The following FBP1 variants were observed in gnomAD, a reference collection of about 807,000 sequenced individuals.
FBP1 encodes the protein fructose-1,6-bisphosphatase 1.
In FBP1, 22 loss-of-function variants were observed where a neutral mutation model predicts 29.9. The ratio of observed to expected loss-of-function variants is 0.74; its 90% CI spans 0.53 to 1.05. FBP1 has a LOEUF of 1.05. FBP1 is among the 50% of genes least tolerant of loss of function. FBP1 has a pLI of 0.00. For synonymous variants in FBP1, 175 were observed against 178.6 expected (o/e 0.98, Z 0.16); for missense variants, 345 against 448.2 (o/e 0.77, Z 2.08).
intron 1 of FBP1, among the ~76,000 whole-genome samples, chr9:94,630,359 AG>A: frequency 6.6e-6 from 1 of 152,300 alleles, no homozygotes; most frequent in East Asian, 1.9e-4. Context: ...AGATTAGCAT[AG>A]CTTCTTGGTA....
intron 3 of FBP1, among the ~76,000 whole-genome samples, chr9:94,612,498 T>A (rs1253739941): frequency 6.6e-6 from 1 of 151,382 alleles, no homozygotes; most frequent in Non-Finnish European, 1.5e-5. Context: ...AAGAGAAAAT[T>A]ATCCCACTGA....
Position 94,603,238 on chromosome 9 carries a change from T to C in FBP1, c.*143A>G, listed in dbSNP as rs891920976. 1.3e-6 allele frequency: 1 copy of C among 748,178 alleles called. No individual in the cohort carries two copies. The highest frequency in any genetic ancestry group is 2.0e-5 in the Admixed American group (1 of 49,082). The allele number at this position is 748,178 out of a possible 1,614,324, so 46.3% of individuals were successfully genotyped here. On this transcript the variant is annotated 3_prime_UTR_variant, in exon 7 of 7. Coordinates refer to ENST00000375326, the MANE Select transcript of FBP1 (RefSeq NM_000507.4). ...CATTTGGTTAGGGAGTGCCAAGCATTCTACAGCATTTGATGGTGGAAATAG... is the reference window on the plus strand; with the variant it reads ...CATTTGGTTAGGGAGTGCCAAGCATCCTACAGCATTTGATGGTGGAAATAG...
chr9:94,636,251 G>A (rs1195503333), intron 1 of FBP1, among the ~76,000 whole-genome samples: 1 of 152,026 alleles, frequency 6.6e-6, no homozygotes, highest in African/African-American at 2.4e-5. Context: ...AGGCCAAGGT[G>A]GGCAGATCGC....
At chr9:94,614,470 G>T (rs2131482593) in intron 3 of FBP1, among the ~76,000 whole-genome samples, 1 of 152,208 alleles carries the variant, frequency 6.6e-6, no homozygotes, top group Admixed American at 6.5e-5. Flanking sequence ...AACCAGGGAG[G>T]CAGAGGTCGC....
intron 1 of FBP1, among the ~76,000 whole-genome samples, chr9:94,621,563 C>G (rs955505289): frequency 6.6e-6 from 1 of 152,130 alleles, no homozygotes; most frequent in Non-Finnish European, 1.5e-5. Flanking sequence ...TGTTTCTTAA[C>G]TTTGTTTTCA....
chr9:94,603,747 C>CAGTTAACCATTTGGTTAACT, intron 6 of FBP1, 175 bp from the exon 7 acceptor site: 1 of 675,588 alleles, frequency 1.5e-6, no homozygotes, highest in Non-Finnish European at 2.7e-6. Flanking sequence ...GCATCTGAGA[C>CAGTTAACCATTTGGTTAACT]AAAACAGTTA....
intron 1 of FBP1, among the ~76,000 whole-genome samples, chr9:94,638,054 C>A (rs769730277): frequency 6.7e-6 from 1 of 148,730 alleles, no homozygotes; most frequent in Non-Finnish European, 1.5e-5. Flanking sequence ...CCATTGCACT[C>A]CAGCCTGGGC....
intron 3 of FBP1, among the ~76,000 whole-genome samples, chr9:94,612,713 C>A (rs560319490): frequency 2.6e-4 from 39 of 152,030 alleles, no homozygotes; most frequent in Admixed American, 8.5e-4. Context: ...CCCACCACCA[C>A]GCCTGGCTAA....
intron 1 of FBP1, among the ~76,000 whole-genome samples, chr9:94,634,823 G>A (rs993529595): frequency 2.6e-5 from 4 of 152,096 alleles, no homozygotes; most frequent in South Asian, 2.1e-4. Context: ...TAGGCCGGGC[G>A]CAGTGGCTCA....
rs748363187 is a variant in FBP1, at chr9:94,639,355, T to G, written c.-45A>C. On this transcript the variant is annotated 5_prime_UTR_variant, in exon 1 of 7. Transcript: ENST00000375326. ...CGGGGCTGCAGGTGCAAGCGGCAGG[T>G]GCGGGGCTGCAGGTGCGGGCGGCAA... is the stretch of plus-strand genomic sequence containing the variant. 1 of 1,577,038 alleles carries G rather than the reference T, an allele frequency of 6.3e-7. No homozygotes were observed.
Position 94,607,044 on chromosome 9 carries a change from G to A in FBP1, c.568-92C>T. 3 of 1,567,084 alleles carry A rather than the reference G, an allele frequency of 1.9e-6. No individual in the cohort carries two copies. In the South Asian group the frequency reaches 3.3e-5, roughly 17 times the overall value. ...GCGAGCGATGGGCTGGGCTACGCTG[G>A]GCTGGGGTCGCGGCGCACGGGCACC... On this transcript the variant is annotated intron_variant, in intron 4 of 6. Transcript: ENST00000375326.
At chr9:94,613,809 G>C (rs1376385080) in intron 3 of FBP1, among the ~76,000 whole-genome samples, 2 of 151,404 alleles carry the variant, frequency 1.3e-5, no homozygotes, top group African/African-American at 4.9e-5. Flanking sequence ...CGGACGCAGT[G>C]GCTCACGCCT....
At chr9:94,606,657 A>T (rs1452604154) in intron 5 of FBP1, among the ~76,000 whole-genome samples, 158 bp downstream of exon 5, 1 of 152,086 alleles carries the variant, frequency 6.6e-6, no homozygotes, top group Non-Finnish European at 1.5e-5. Context: ...GTAAGTCATC[A>T]ACCAATAGAT....
intron 1 of FBP1, among the ~76,000 whole-genome samples, chr9:94,625,601 C>T (rs2131495711): frequency 6.6e-6 from 1 of 152,340 alleles, no homozygotes; most frequent in East Asian, 1.9e-4. Context: ...CGAGACCATC[C>T]TGGCTAACAC....
intron 1 of FBP1, among the ~76,000 whole-genome samples, chr9:94,637,137 C>A (rs534055958): frequency 1.3e-5 from 2 of 152,080 alleles, no homozygotes; most frequent in Middle Eastern, 3.2e-3. Flanking sequence ...TTAAGAGGGG[C>A]CAGAGGCAAC....
chr9:94,607,467 C>T (rs910262734), intron 4 of FBP1, among the ~76,000 whole-genome samples: 1 of 152,104 alleles, frequency 6.6e-6, no homozygotes, highest in Non-Finnish European at 1.5e-5. Context: ...CCTTTCTGGG[C>T]GTTCTTATAG....
intron 3 of FBP1, among the ~76,000 whole-genome samples, chr9:94,612,870 C>T (rs1290389743): frequency 1.3e-5 from 2 of 152,084 alleles, no homozygotes; most frequent in East Asian, 3.9e-4. Context: ...AAATGCTCAG[C>T]AATGCATGCC....
intron 1 of FBP1, 47 bp from the exon 2 acceptor site, chr9:94,620,538 A>G (rs1300504989): frequency 6.3e-7 from 1 of 1,591,404 alleles, no homozygotes; most frequent in Non-Finnish European, 8.6e-7. Flanking sequence ...CCACCAGAAC[A>G]TGTAGATGAG....
chr9:94,606,108 C>T (rs1238569805), intron 5 of FBP1, among the ~76,000 whole-genome samples: 2 of 152,080 alleles, frequency 1.3e-5, no homozygotes, highest in African/African-American at 4.8e-5. Flanking sequence ...GGAGAGAAAG[C>T]CTGGGGCAGA....
Sources: gnomAD v4.1 joint callset for allele counts (sites outside exome capture counted in the v4.1 genomes callset) on GRCh38, gnomAD v4.1.1 for gene constraint, MANE v1.5 for transcripts, NCBI Gene and HGNC (gene_info 2026-07-23, HGNC 2026-07-21) for gene names.